Variants in GRIA4 observed in about 807,000 individuals in gnomAD.
The protein encoded by GRIA4 is glutamate receptor 4.
Under a neutral mutation model 104.0 loss-of-function variants are expected in GRIA4, and 34 were observed. The observed-to-expected ratio is 0.33, with a 90% CI of 0.25 to 0.44. The LOEUF is 0.44. Ranked by LOEUF, GRIA4 falls within the 20% of genes least tolerant of loss-of-function variation. GRIA4 has a pLI of 1.00. For missense variants in GRIA4, 750 were observed against 1,096.5 expected (o/e 0.68, Z 4.46); for synonymous variants, 386 against 381.9 (o/e 1.01, Z -0.13).
chr11:105,684,447 A>T (rs1021276530), intron 3 of GRIA4, among the ~76,000 whole-genome samples: 10 of 151,472 alleles, frequency 6.6e-5, no homozygotes, highest in Non-Finnish European at 1.3e-4. Context: ...ATAAAGTTAG[A>T]TGAGATTATG....
intron 7 of GRIA4, 118 bp downstream of exon 7, chr11:105,898,545 C>G: frequency 1.5e-6 from 1 of 655,848 alleles, no homozygotes; most frequent in Non-Finnish European, 2.7e-6. Context: ...GGGAAAAAAG[C>G]ATTTTGTCCT....
chr11:105,748,266 T>A (rs1229935860), intron 3 of GRIA4, among the ~76,000 whole-genome samples: 1 of 152,192 alleles, frequency 6.6e-6, no homozygotes, highest in African/African-American at 2.4e-5. Flanking sequence ...TTCCTTTTTA[T>A]GTGGGCCTCA....
At chr11:105,720,837 C>T (rs868340425) in intron 3 of GRIA4, among the ~76,000 whole-genome samples, 11 of 152,106 alleles carry the variant, frequency 7.2e-5, no homozygotes, top group African/African-American at 2.7e-4. Context: ...GCTGCTCATT[C>T]GGAATAGTGT....
intron 3 of GRIA4, among the ~76,000 whole-genome samples, chr11:105,629,272 T>C (rs1255727118): frequency 6.7e-6 from 1 of 149,878 alleles, no homozygotes; most frequent in Non-Finnish European, 1.5e-5. Context: ...AATAAATAAA[T>C]AAATAAATAA....
intron 3 of GRIA4, among the ~76,000 whole-genome samples, chr11:105,654,486 T>A (rs760940731): frequency 8.5e-5 from 13 of 152,150 alleles, no homozygotes; most frequent in Non-Finnish European, 1.8e-4. Flanking sequence ...TAATATTATG[T>A]GTATATTAAT....
chr11:105,870,482 G>A lies in GRIA4; in HGVS notation c.672+8274G>A, dbSNP rs1945573709. The stretch of plus-strand genomic sequence containing the variant: ...ATCAATTTTAGTCGATGCTGTGAAG[G>A]AACTCTGAATGCAAAGAAAAACAGA... On this transcript the variant is annotated intron_variant, in intron 5 of 16. Coordinates refer to ENST00000282499, the MANE Select transcript of GRIA4 (RefSeq NM_000829.4). Among the ~76,000 whole-genome samples the A allele has an allele frequency of 2.0e-5, 3 of 151,438 alleles. No homozygotes were observed. The South Asian group carries it at 6.2e-4, about 31-fold the overall frequency.
intron 4 of GRIA4, among the ~76,000 whole-genome samples, chr11:105,794,512 T>TATATACAC (rs1313325715): frequency 9.4e-5 from 10 of 106,904 alleles, no homozygotes; most frequent in African/African-American, 3.8e-4. Flanking sequence ...TATATATATA[T>TATATACAC]ACATATACAC....
chr11:105,775,801 A>G (rs1023037919), intron 4 of GRIA4, among the ~76,000 whole-genome samples: 5 of 152,006 alleles, frequency 3.3e-5, no homozygotes, highest in Admixed American at 2.0e-4. Context: ...ATGACACCCA[A>G]CTTTATCAAG....
At chr11:105,916,847 A>G (rs1947420639) in intron 10 of GRIA4, among the ~76,000 whole-genome samples, 1 of 152,202 alleles carries the variant, frequency 6.6e-6, no homozygotes, top group Admixed American at 6.6e-5. Flanking sequence ...AACTTGTTAC[A>G]CTTACAGATA....
intron 3 of GRIA4, among the ~76,000 whole-genome samples, chr11:105,660,915 C>A (rs1356526358): frequency 1.3e-5 from 2 of 151,556 alleles, no homozygotes; most frequent in African/African-American, 4.8e-5. Flanking sequence ...TAGGATCAAC[C>A]TGTAGATAAG....
intron 14 of GRIA4, among the ~76,000 whole-genome samples, chr11:105,969,624 C>T (rs886871724): frequency 2.0e-5 from 3 of 152,222 alleles, no homozygotes; most frequent in East Asian, 1.9e-4. Flanking sequence ...AGGAAACTCT[C>T]GAACTTTCCT....
At chr11:105,767,621 G>A (rs2135733384) in intron 4 of GRIA4, among the ~76,000 whole-genome samples, 1 of 152,168 alleles carries the variant, frequency 6.6e-6, no homozygotes, top group Non-Finnish European at 1.5e-5. Context: ...TAATATCTGA[G>A]GTTCTTCAAG....
chr11:105,613,156 T>C (rs944530809), intron 3 of GRIA4: 5 of 152,128 alleles, frequency 3.3e-5, no homozygotes, highest in African/African-American at 1.2e-4. Context: ...ACAATGAAAC[T>C]AAACGGGTGA....
At chr11:105,874,266 A>G (rs1945732936) in intron 5 of GRIA4, among the ~76,000 whole-genome samples, 1 of 152,052 alleles carries the variant, frequency 6.6e-6, no homozygotes, top group African/African-American at 2.4e-5. Flanking sequence ...GTTCTGTTCC[A>G]TTGGTCTATA....
chr11:105,822,201 A>T (rs2135905453), intron 4 of GRIA4, among the ~76,000 whole-genome samples: 1 of 152,270 alleles, frequency 6.6e-6, no homozygotes, highest in East Asian at 1.9e-4. Flanking sequence ...ATGCAATAAT[A>T]ATCAAGATAA....
chr11:105,933,262 T>A (rs902161956), intron 13 of GRIA4, among the ~76,000 whole-genome samples: 1 of 151,630 alleles, frequency 6.6e-6, no homozygotes, highest in African/African-American at 2.4e-5. Context: ...TAAAAAAAAA[T>A]AAAATAAAAC....
intron 13 of GRIA4, 106 bp from the exon 14 acceptor site, chr11:105,933,616 G>C (rs1192118379): frequency 2.7e-6 from 2 of 754,678 alleles, no homozygotes; most frequent in African/African-American, 3.5e-5. Flanking sequence ...TGGAGTTAGA[G>C]AGCAATGGAA....
At chr11:105,655,453 A>G (rs1002630887) in intron 3 of GRIA4, among the ~76,000 whole-genome samples, 2 of 152,038 alleles carry the variant, frequency 1.3e-5, no homozygotes, top group African/African-American at 4.8e-5. Context: ...CCCATCATCT[A>G]CATTAGGTAT....
At chr11:105,711,619 T>C (rs757069175) in intron 3 of GRIA4, among the ~76,000 whole-genome samples, 3 of 152,104 alleles carry the variant, frequency 2.0e-5, no homozygotes, top group Non-Finnish European at 4.4e-5. Context: ...TACTCTCACA[T>C]TGAACACTAT....
Sources: allele counts gnomAD v4.1 joint callset (sites outside exome capture counted in the v4.1 genomes callset), GRCh38; gene constraint gnomAD v4.1.1; transcripts MANE v1.5; gene names NCBI Gene and HGNC (gene_info 2026-07-23, HGNC 2026-07-21).